DHX36: variants seen among roughly 807,000 people sequenced by gnomAD.
DHX36 encodes the protein ATP-dependent DNA/RNA helicase DHX36.
DHX36 carries 50 observed loss-of-function variants against 139.0 expected under a neutral mutation model. The ratio of observed to expected loss-of-function variants is 0.36; its 90% confidence interval spans 0.29 to 0.46. The LOEUF (loss-of-function observed/expected upper bound fraction) is 0.46, where lower values mean the gene tolerates loss of function less well. Among genes scored for constraint, DHX36 ranks in the 20% least tolerant of loss-of-function variants. DHX36 has a pLI of 1.00. For missense variants in DHX36, 1,024 were observed against 1,211.3 expected (o/e 0.85, Z 2.29); for synonymous variants, 425 against 401.9 (o/e 1.06, Z -0.69).
In DHX36 at chr3:154,315,097, T is replaced by C. The variant is rs768333798; in HGVS notation, c.552A>G (p.Leu184=). 1 of 1,612,450 alleles carries C rather than the reference T, an allele frequency of 6.2e-7. No individual in the cohort carries two copies. The highest frequency in any genetic ancestry group is 8.5e-7 in the Non-Finnish European group (1 of 1,179,388). The part of the protein sequence containing the change: ...NEPDGTLDQK[L]LEDLQKKKND... ...TTTTTTTCTTTTGTAAATCTTCCAA[T>C]AATTTTTGGTCTAAAGTTCCATCTG... The change falls in exon 3 of 25, where the codon TTA becomes TTG. Residue 184 remains leucine, a synonymous_variant. Transcript: ENST00000496811.
chr3:154,276,437 ATACAAGGAG>A (rs976274213), intron 24 of DHX36, 81 bp from the exon 25 acceptor site: 15 of 1,315,220 alleles, frequency 1.1e-5, no homozygotes, highest in African/African-American at 3.0e-5. Context: ...AATTTACCTG[ATACAAGGAG>A]TTTCACAAGC....
In DHX36 at chr3:154,311,154, T is replaced by C. The variant is rs185367768; in HGVS notation, c.642+482A>G. Among the ~76,000 whole-genome samples, 34 of 151,452 alleles carry C rather than the reference T, an allele frequency of 2.2e-4. No homozygotes were observed. The East Asian group carries it at 6.2e-3, about 28-fold the overall frequency. ...AACAAGTGCTATGAAAAGTAAAAAA[T>C]AAAGTAAAATAAAATAAAATAAGGT... On this transcript the variant is annotated intron_variant, in intron 4 of 24. Coordinates refer to ENST00000496811, the MANE Select transcript of DHX36 (RefSeq NM_020865.3).
In DHX36 at chr3:154,292,609, T is replaced by A. The variant is rs774855423; in HGVS notation, c.1756A>T (p.Met586Leu). The A allele has an allele frequency of 2.5e-6, 4 of 1,614,080 alleles. No individual in the cohort carries two copies. Among genetic ancestry groups the A allele is most frequent in the African/African-American group, 1.3e-5 (1 of 75,020 alleles). The change falls in exon 15 of 25, where the codon ATG (methionine) becomes TTG (leucine). Residue 586 changes from methionine to leucine, a missense_variant. This residue lies in a region of DHX36 where 470 missense variants were observed against 616.2 expected (regional missense o/e 0.76). Coordinates refer to ENST00000496811, the MANE Select transcript of DHX36 (RefSeq NM_020865.3). ...GCTTTACTAACCCACTCAGCGGACA[T>A]TGTACTGATATTGTTCTGAGTATCA... ...HFDTQNNIST[M>L]SAEWVSKANA...
chr3:154,319,636 T>G (rs1205235353), intron 1 of DHX36, among the ~76,000 whole-genome samples: 1 of 152,174 alleles, frequency 6.6e-6, no homozygotes, highest in African/African-American at 2.4e-5. Flanking sequence ...AAATTTACCT[T>G]GCTTTCCTAA....
intron 22 of DHX36, 140 bp downstream of exon 22, chr3:154,280,439 C>G: frequency 1.6e-6 from 1 of 642,830 alleles, no homozygotes; most frequent in Middle Eastern, 4.3e-4. Context: ...AGTTCACCTT[C>G]TCTGAAATGA....
At chr3:154,304,453 G>T (rs563331249) in intron 8 of DHX36, among the ~76,000 whole-genome samples, 1 of 152,288 alleles carries the variant, frequency 6.6e-6, no homozygotes, top group Non-Finnish European at 1.5e-5. Context: ...TTCCATAAGT[G>T]GTCACTAGCA....
At position 154,283,282 on chromosome 3, in the gene DHX36, A is replaced by C; in HGVS notation, c.2293-11T>G. The C allele has an allele frequency of 6.4e-7, 1 of 1,574,606 alleles. No individual in the cohort carries two copies. The highest frequency in any genetic ancestry group is 8.7e-7 in the Non-Finnish European group (1 of 1,145,126). On this transcript the variant is annotated splice_polypyrimidine_tract_variant and intron_variant, in intron 19 of 24. Transcript: ENST00000496811. ...AGCCTCTTCCCAGCCCTATGGGGCAAAGAAATGAAGAAATCTATATTTCTC... is the reference window on the plus strand; with the variant it reads ...AGCCTCTTCCCAGCCCTATGGGGCACAGAAATGAAGAAATCTATATTTCTC...
At chr3:154,304,995 A>G (rs752618577) in intron 7 of DHX36, 23 bp from the exon 8 acceptor site, 9 of 1,596,194 alleles carry the variant, frequency 5.6e-6, no homozygotes, top group South Asian at 2.3e-5. Flanking sequence ...TGTGAAGTAC[A>G]AAATTTTAAA....
intron 5 of DHX36, 149 bp from the exon 6 acceptor site, chr3:154,306,444 A>G: frequency 1.5e-6 from 1 of 648,774 alleles, no homozygotes; most frequent in South Asian, 1.9e-5. Context: ...GGTATCTAAA[A>G]CAGTGTGTGC....
intron 9 of DHX36, among the ~76,000 whole-genome samples, chr3:154,302,926 A>G (rs1712356414): frequency 6.6e-6 from 1 of 152,050 alleles, no homozygotes; most frequent in African/African-American, 2.4e-5. Flanking sequence ...AAAATACAAA[A>G]ATTAGCTGGG....
chr3:154,300,855 A>G, intron 10 of DHX36, 132 bp downstream of exon 10: 6 of 1,370,372 alleles, frequency 4.4e-6, no homozygotes, highest in Non-Finnish European at 6.1e-6. Context: ...AAATCAGCAC[A>G]ATATTTAGCT....
chr3:154,292,448 G>C, intron 15 of DHX36, 103 bp downstream of exon 15: 1 of 1,464,950 alleles, frequency 6.8e-7, no homozygotes, highest in Non-Finnish European at 9.4e-7. Context: ...AAAATAATAA[G>C]AAAGGTAACT....
chr3:154,316,262 C>A, intron 1 of DHX36, 99 bp from the exon 2 acceptor site: 1 of 1,435,180 alleles, frequency 7.0e-7, no homozygotes, highest in South Asian at 1.3e-5. Context: ...AATATATGTT[C>A]AACAAATACA....
At chr3:154,283,349 T>C in intron 19 of DHX36, 78 bp from the exon 20 acceptor site, 1 of 967,290 alleles carries the variant, frequency 1.0e-6, no homozygotes, top group Non-Finnish European at 1.6e-6. Context: ...TTTACTTTAG[T>C]AAAAGCTTAA....
chr3:154,299,855 T>A lies in DHX36; in HGVS notation c.1532A>T (p.Gln511Leu). The A allele has an allele frequency of 6.2e-7, 1 of 1,611,694 alleles. No homozygotes were observed. Among genetic ancestry groups the A allele is most frequent in the Non-Finnish European group, 8.5e-7 (1 of 1,177,848 alleles). The change falls in exon 12 of 25, where the codon CAA becomes CTA. Residue 511 changes from glutamine (Q) to leucine (L), a missense_variant. Gln to Leu is a moderately radical substitution (Grantham distance 113). Transcript: ENST00000496811. ...ISTLHDLLMS[Q>L]VMFKSDKFLI... ...CATAGTACCTGATTTAAACATTACTTGTGACATCAAGAGATCATGTAAAGT... is the reference window on the plus strand; with the variant it reads ...CATAGTACCTGATTTAAACATTACTAGTGACATCAAGAGATCATGTAAAGT...
chr3:154,294,964 T>C (rs531245520), intron 13 of DHX36, among the ~76,000 whole-genome samples: 1 of 152,330 alleles, frequency 6.6e-6, no homozygotes, highest in East Asian at 1.9e-4. Flanking sequence ...ATTTCTAGGT[T>C]TGGTTACTTT....
At chr3:154,283,093 T>C in intron 20 of DHX36, 95 bp downstream of exon 20, 2 of 881,156 alleles carry the variant, frequency 2.3e-6, no homozygotes, top group Non-Finnish European at 3.8e-6. Flanking sequence ...TTCCATATAT[T>C]TGACTTTTTT....
At position 154,324,206 on chromosome 3, in the gene DHX36, C is replaced by A; in HGVS notation, c.211G>T (p.Gly71Trp). ...EIGMWYAKKQ[G>W]QKNKEAERQE... Reference sequence around the variant, plus strand: ...CTCTCCGCTTCCTTGTTCTTCTGCCCCTGTTTTTTCGCGTACCACATGCCG... The same window carrying A: ...CTCTCCGCTTCCTTGTTCTTCTGCCACTGTTTTTTCGCGTACCACATGCCG... Residue 71 changes from glycine (G) to tryptophan (W), a missense_variant, in exon 1 of 25, where the codon GGG (glycine) becomes TGG (tryptophan). Physicochemically the swap from Gly to Trp is radical, Grantham distance 184. Coordinates refer to ENST00000496811, the MANE Select transcript of DHX36 (RefSeq NM_020865.3). The A allele has an allele frequency of 1.9e-6, 3 of 1,613,122 alleles. No individual in the cohort carries two copies. The highest frequency in any genetic ancestry group is 2.5e-6 in the Non-Finnish European group (3 of 1,179,454).
intron 5 of DHX36, among the ~76,000 whole-genome samples, chr3:154,308,442 CATAA>C (rs1205891928): frequency 8.5e-5 from 13 of 152,116 alleles, no homozygotes; most frequent in African/African-American, 2.2e-4. Context: ...AATTATATAG[CATAA>C]ATAAATTCAC....
Sources: allele counts gnomAD v4.1 joint callset (sites outside exome capture counted in the v4.1 genomes callset), GRCh38; gene constraint gnomAD v4.1.1; regional missense constraint gnomAD v4.1.1; transcripts MANE v1.5; gene names NCBI Gene and HGNC (gene_info 2026-07-23, HGNC 2026-07-21).